The following ERICH1 variants were observed in gnomAD, a reference collection of about 807,000 sequenced individuals.
ERICH1 encodes the protein glutamate-rich protein 1.
A neutral mutation model predicts 39.6 loss-of-function variants in ERICH1; 56 were observed. The observed-to-expected ratio is 1.41, with a 90% CI of 1.14 to 1.77. ERICH1 has a LOEUF of 1.77. ERICH1 is among the 40% of genes most tolerant of loss of function. The pLI is 0.00. For synonymous variants in ERICH1, 313 were observed against 223.6 expected (o/e 1.40, Z -3.57); for missense variants, 826 against 575.4 (o/e 1.44, Z -4.45).
At chr8:655,424 G>T (rs573466387) in intron 3 of ERICH1, among the ~76,000 whole-genome samples, 1 of 152,204 alleles carries the variant, frequency 6.6e-6, no homozygotes. Context: ...TTGTTTGCCC[G>T]TCTCTCACAT....
chr8:650,871 G>A (rs568544375), intron 3 of ERICH1, among the ~76,000 whole-genome samples: 1 of 152,228 alleles, frequency 6.6e-6, no homozygotes, highest in Non-Finnish European at 1.5e-5. Context: ...TGAGAGCCCT[G>A]GAGTGTGTTA....
chr8:711,424 C>T (rs1814703831), intron 2 of ERICH1, among the ~76,000 whole-genome samples: 1 of 152,052 alleles, frequency 6.6e-6, no homozygotes, highest in African/African-American at 2.4e-5. Flanking sequence ...CACTGCTGAA[C>T]CCGAGGGCAC....
chr8:618,243 A>T (rs1394650490), intron 3 of ERICH1, among the ~76,000 whole-genome samples: 1 of 148,300 alleles, frequency 6.7e-6, no homozygotes, highest in Non-Finnish European at 1.5e-5. Context: ...AGTGCTCGGT[A>T]CTTGGTCCAT....
intron 3 of ERICH1, chr8:626,791 GT>G (rs2117068378): frequency 4.6e-6 from 1 of 219,416 alleles, no homozygotes; most frequent in South Asian, 7.2e-5. Flanking sequence ...TGAAGATTTT[GT>G]TTTTTATATT....
rs1799496612 is a variant in ERICH1 at position 646,638 on chromosome 8, T to G, written c.976+21960A>C. On this transcript the variant is annotated intron_variant, in intron 3 of 3. Coordinates refer to the ERICH1 transcript ENST00000522706. ...CCCCTTCCGCGAGGCTGGACGCTGA[T>G]GGAGCCACACAAGCCGCAGCCCCAC... 2.9e-5 allele frequency among the ~76,000 whole-genome samples: 2 copies of G among 68,826 alleles called. 1 individual carries two copies. The highest frequency in any genetic ancestry group is 9.1e-5 in the Non-Finnish European group (2 of 21,926). 45.2% of individuals were successfully genotyped at this position (68,826 alleles called of 152,430 possible). A position where few individuals can be genotyped will look rare whatever the true frequency, so the allele number is the denominator to read the frequency against.
chr8:679,196 C>CCA (rs1178430815), intron 3 of ERICH1, among the ~76,000 whole-genome samples: 6 of 127,914 alleles, frequency 4.7e-5, no homozygotes, highest in South Asian at 2.8e-4. Flanking sequence ...CTCAAAGCTC[C>CCA]AGTCCCTCTC....
chr8:629,554 C>A (rs13248003), intron 3 of ERICH1, among the ~76,000 whole-genome samples: 2 of 138,786 alleles, frequency 1.4e-5, no homozygotes, highest in Non-Finnish European at 3.0e-5. Flanking sequence ...AGCACCCACA[C>A]GGACAGAGCT....
At chr8:651,421 C>G (rs185612445) in intron 3 of ERICH1, among the ~76,000 whole-genome samples, 22 of 152,232 alleles carry the variant, frequency 1.4e-4, no homozygotes, top group Admixed American at 1.1e-3. Context: ...CTCCGGGGCA[C>G]AGAAAGTTTC....
At chr8:629,320 G>C (rs60259753) in intron 3 of ERICH1, among the ~76,000 whole-genome samples, 4,261 of 140,252 alleles carry the variant, frequency 0.03, 158 homozygotes, top group African/African-American at 0.11. Context: ...ACCACCCACA[G>C]AGACAGAGCT....
intron 1 of ERICH1, among the ~76,000 whole-genome samples, chr8:721,227 T>C (rs1817234491): frequency 6.6e-6 from 1 of 152,262 alleles, no homozygotes; most frequent in Admixed American, 6.5e-5. Context: ...TATTTACAGC[T>C]GCTAAAATAG....
chr8:725,008 G>A (rs375996185), intron 1 of ERICH1, among the ~76,000 whole-genome samples: 1 of 152,138 alleles, frequency 6.6e-6, no homozygotes, highest in Non-Finnish European at 1.5e-5. Flanking sequence ...GTGGTTTCTC[G>A]TCCCACACCC....
At chr8:723,147 C>A (rs957292904) in intron 1 of ERICH1, among the ~76,000 whole-genome samples, 1 of 152,166 alleles carries the variant, frequency 6.6e-6, no homozygotes, top group African/African-American at 2.4e-5. Flanking sequence ...TCCCGCTCTC[C>A]CTCCCTCACC....
At chr8:621,374 A>G (rs2117033560) in intron 3 of ERICH1, among the ~76,000 whole-genome samples, 1 of 152,274 alleles carries the variant, frequency 6.6e-6, no homozygotes, top group South Asian at 2.1e-4. Flanking sequence ...TTCTCACAAC[A>G]AAAGATAAGT....
intron 3 of ERICH1, among the ~76,000 whole-genome samples, chr8:635,522 T>G (rs886481205): frequency 1.3e-5 from 2 of 152,180 alleles, no homozygotes; most frequent in African/African-American, 4.8e-5. Context: ...TGGGTGGTCT[T>G]GGGAGCCCAG....
intron 3 of ERICH1, among the ~76,000 whole-genome samples, chr8:635,236 C>T (rs1171343141): frequency 1.3e-5 from 2 of 152,196 alleles, no homozygotes; most frequent in African/African-American, 2.4e-5. Flanking sequence ...AGGAAATACA[C>T]ATCCGAGCTT....
Position 673,573 on chromosome 8 carries a change from G to C in ERICH1, c.779C>G (p.Pro260Arg), listed in dbSNP as rs760410692. 1 of 1,536,116 alleles carries C rather than the reference G, an allele frequency of 6.5e-7. No homozygotes were observed. The highest frequency in any genetic ancestry group is 8.9e-7 in the Non-Finnish European group (1 of 1,127,690). The part of the protein sequence containing the change: ...GADASEEDPT[P>R]AGEEDVKDAR... ...GTCTTTAACGTCTTCCTCCCCGGCC[G>C]GTGTCGGATCTTCCTCACTGGCGTC... The change falls in exon 4 of 6, where the codon CCG becomes CGG. Residue 260 changes from proline (P) to arginine (R), a missense_variant. Pro to Arg is a moderately radical substitution (Grantham distance 103, BLOSUM62 -2). Transcript: ENST00000262109.
At chr8:727,828 T>TGC (rs1274447713) in intron 1 of ERICH1, among the ~76,000 whole-genome samples, 2 of 152,174 alleles carry the variant, frequency 1.3e-5, no homozygotes, top group Non-Finnish European at 2.9e-5. Context: ...GATGGGAAAC[T>TGC]GCAGGACAAG....
intron 2 of ERICH1, among the ~76,000 whole-genome samples, chr8:702,460 T>A (rs549385696): frequency 1.2e-4 from 19 of 152,106 alleles, no homozygotes; most frequent in African/African-American, 3.9e-4. Flanking sequence ...ACTCCCTGAG[T>A]GCAGACACAC....
chr8:633,069 G>A (rs1248162252), intron 3 of ERICH1, among the ~76,000 whole-genome samples: 1 of 152,174 alleles, frequency 6.6e-6, no homozygotes, highest in African/African-American at 2.4e-5. Flanking sequence ...TGGGGCCCGC[G>A]CGGGGCCGCC....
Sources: gnomAD v4.1 joint callset for allele counts (sites outside exome capture counted in the v4.1 genomes callset) on GRCh38, gnomAD v4.1.1 for gene constraint, MANE v1.5 for transcripts, NCBI Gene and HGNC (gene_info 2026-07-23, HGNC 2026-07-21) for gene names.